The following ROR2 variants were observed in gnomAD, a reference collection of about 807,000 sequenced individuals.
ROR2 encodes the protein ROR family WNT receptor 2, also known as tyrosine-protein kinase transmembrane receptor ROR2.
In ROR2, 33 loss-of-function variants were observed where a neutral mutation model predicts 74.9. The observed-to-expected ratio is 0.44, with a 90% CI of 0.33 to 0.59. The LOEUF (loss-of-function observed/expected upper bound fraction) is 0.59, where lower values mean the gene tolerates loss of function less well. Among genes scored for constraint, ROR2 ranks in the 20% least tolerant of loss-of-function variants. The pLI is 0.02. For missense variants in ROR2, 1,216 were observed against 1,313.8 expected (o/e 0.93, Z 1.15); for synonymous variants, 586 against 558.7 (o/e 1.05, Z -0.69).
intron 1 of ROR2, among the ~76,000 whole-genome samples, chr9:91,801,087 A>G (rs1459607899): frequency 2.0e-5 from 3 of 152,022 alleles, no homozygotes; most frequent in African/African-American, 7.2e-5. Flanking sequence ...CCCCACTTAC[A>G]TTTTTGCTCC....
At chr9:91,862,139 T>C (rs978892878) in intron 1 of ROR2, among the ~76,000 whole-genome samples, 2 of 151,860 alleles carry the variant, frequency 1.3e-5, no homozygotes, top group African/African-American at 2.4e-5. Flanking sequence ...CTGGCTAACA[T>C]TGTGAAACCC....
At chr9:91,735,605 ACTTTTTTTTTTTTTT>A (rs1451566477) in intron 5 of ROR2, among the ~76,000 whole-genome samples, 4 of 101,862 alleles carry the variant, frequency 3.9e-5, no homozygotes, top group Non-Finnish European at 3.8e-5. Context: ...AAGGGCTCTA[ACTTTTTTTTTTTTTT>A]TTTTTTTTTT....
chr9:91,806,824 T>C lies in ROR2; in HGVS notation c.98-31006A>G, dbSNP rs558903752. The stretch of plus-strand genomic sequence containing the variant: ...CAGGATGGTCTCGATCTCCTGACCT[T>C]GTGATCCGCCCGCCTCGGCCACCCA... On this transcript the variant is annotated intron_variant, in intron 1 of 8. Transcript: ENST00000375708. 1.6e-3 allele frequency among the ~76,000 whole-genome samples: 243 copies of C among 152,206 alleles called. 3 individuals carry two copies. The highest frequency in any genetic ancestry group is 0.012 in the South Asian group (58 of 4,830).
intron 5 of ROR2, among the ~76,000 whole-genome samples, chr9:91,736,615 G>C (rs1008227682): frequency 6.6e-6 from 1 of 152,224 alleles, no homozygotes; most frequent in Non-Finnish European, 1.5e-5. Flanking sequence ...TTTGTGGAGA[G>C]AGTAGAGACA....
intron 1 of ROR2, among the ~76,000 whole-genome samples, chr9:91,850,308 A>T (rs983091251): frequency 6.6e-6 from 1 of 152,230 alleles, no homozygotes; most frequent in Non-Finnish European, 1.5e-5. Context: ...GATCCACCCA[A>T]GATGGCCACA....
At chr9:91,810,637 C>T (rs1468754554) in intron 1 of ROR2, among the ~76,000 whole-genome samples, 1 of 152,160 alleles carries the variant, frequency 6.6e-6, no homozygotes, top group Non-Finnish European at 1.5e-5. Context: ...TCACACAGGA[C>T]GCCTGTCCGG....
intron 1 of ROR2, among the ~76,000 whole-genome samples, chr9:91,946,094 G>C (rs1564056195): frequency 6.6e-6 from 1 of 152,192 alleles, no homozygotes; most frequent in Non-Finnish European, 1.5e-5. Flanking sequence ...TCACTGAGAA[G>C]TAATGTTTTC....
At chr9:91,941,672 C>A (rs1253161709) in intron 1 of ROR2, among the ~76,000 whole-genome samples, 1 of 152,206 alleles carries the variant, frequency 6.6e-6, no homozygotes, top group Non-Finnish European at 1.5e-5. Context: ...ATGCACTGGA[C>A]TGCCTTGTCC....
chr9:91,770,254 T>G (rs1454657855), intron 2 of ROR2, among the ~76,000 whole-genome samples: 1 of 152,202 alleles, frequency 6.6e-6, no homozygotes, highest in African/African-American at 2.4e-5. Context: ...AACCTAAGCG[T>G]CACCTCTGTG....
chr9:91,946,266 C>T (rs572044326), intron 1 of ROR2, among the ~76,000 whole-genome samples: 1 of 151,704 alleles, frequency 6.6e-6, no homozygotes, highest in African/African-American at 2.4e-5. Flanking sequence ...TGGTATTCTC[C>T]ACTTGGTGGT....
At chr9:91,803,145 C>G (rs988144072) in intron 1 of ROR2, among the ~76,000 whole-genome samples, 1 of 152,116 alleles carries the variant, frequency 6.6e-6, no homozygotes, top group Non-Finnish European at 1.5e-5. Context: ...ATTACAAAGA[C>G]GGGGAGGCAA....
chr9:91,735,857 T>G (rs1236444445), intron 5 of ROR2, among the ~76,000 whole-genome samples: 1 of 151,870 alleles, frequency 6.6e-6, no homozygotes, highest in East Asian at 1.9e-4. Flanking sequence ...ACCTCGTGAT[T>G]TGCCCGCCTC....
At chr9:91,931,706 C>T (rs549392169) in intron 1 of ROR2, among the ~76,000 whole-genome samples, 22 of 152,188 alleles carry the variant, frequency 1.4e-4, no homozygotes, top group African/African-American at 5.1e-4. Context: ...TAACTCCCTA[C>T]AAGTATTAAA....
chr9:91,837,907 A>C (rs1828659504), intron 1 of ROR2, among the ~76,000 whole-genome samples: 1 of 152,220 alleles, frequency 6.6e-6, no homozygotes, highest in South Asian at 2.1e-4. Context: ...TGGAACACAT[A>C]AAAGAAAAAA....
chr9:91,739,450 G>A (rs2118739467), intron 4 of ROR2, among the ~76,000 whole-genome samples: 1 of 149,612 alleles, frequency 6.7e-6, no homozygotes, highest in Middle Eastern at 3.4e-3. Context: ...AGGCTGCAGT[G>A]AGCCGAGATC....
Position 91,949,883 on chromosome 9 carries a change from T to C in ROR2, c.81A>G (p.Ser27=). The change falls in exon 1 of 9, where the codon TCA becomes TCG. Residue 27 remains serine, a synonymous_variant. Coordinates refer to ENST00000375708, the MANE Select transcript of ROR2 (RefSeq NM_004560.4). ...AGATCCTACCTGAAGTCCGGGACAC[T>C]GAGAGCAGAAGCGCGGCGGCCGCCC... is the stretch of plus-strand genomic sequence containing the variant. The part of the protein sequence containing the change: ...AVWAAAALLL[S]VSRTSGEVEV... 1 of 1,540,688 alleles carries C rather than the reference T, an allele frequency of 6.5e-7. No homozygotes were observed. The highest frequency in any genetic ancestry group is 8.8e-7 in the Non-Finnish European group (1 of 1,140,996).
At chr9:91,756,743 C>CTTTTT (rs557043787) in intron 3 of ROR2, among the ~76,000 whole-genome samples, 20 of 104,066 alleles carry the variant, frequency 1.9e-4, no homozygotes, top group Non-Finnish European at 2.3e-4. Flanking sequence ...TTTTTGTTCT[C>CTTTTT]TTTTTTTTTT....
intron 1 of ROR2, among the ~76,000 whole-genome samples, chr9:91,870,528 CTCTA>C (rs1433444027): frequency 2.0e-5 from 3 of 152,310 alleles, no homozygotes; most frequent in Admixed American, 6.5e-5. Flanking sequence ...ATTTTCAGGG[CTCTA>C]TCTATTTACA....
chr9:91,889,898 C>T (rs1269610432), intron 1 of ROR2, among the ~76,000 whole-genome samples: 2 of 152,202 alleles, frequency 1.3e-5, no homozygotes, highest in Non-Finnish European at 1.5e-5. Flanking sequence ...ATAATCCTGG[C>T]TTCGGCCCAT....
Sources: gnomAD v4.1 joint callset for allele counts (sites outside exome capture counted in the v4.1 genomes callset) on GRCh38, gnomAD v4.1.1 for gene constraint, MANE v1.5 for transcripts, NCBI Gene and HGNC (gene_info 2026-07-23, HGNC 2026-07-21) for gene names.